The following ARHGAP6 variants were observed in gnomAD, a reference collection of about 807,000 sequenced individuals.
ARHGAP6 encodes rho GTPase-activating protein 6.
A neutral mutation model predicts 55.7 loss-of-function variants in ARHGAP6; 16 were observed. The ratio of observed to expected loss-of-function variants is 0.29; its 90% CI spans 0.19 to 0.44. The LOEUF is 0.44. Among genes scored for constraint, ARHGAP6 ranks in the 20% least tolerant of loss-of-function variants. ARHGAP6 has a pLI of 1.00. For missense variants in ARHGAP6, 698 were observed against 808.9 expected (o/e 0.86, Z 1.66); for synonymous variants, 382 against 360.9 (o/e 1.06, Z -0.66).
At chrX:11,198,316 G>T (rs752870059) in intron 2 of ARHGAP6, among the ~76,000 whole-genome samples, 264 of 112,013 alleles carry the variant, frequency 2.4e-3, no homozygotes, top group Non-Finnish European at 4.2e-3. Flanking sequence ...ATGTAAATCA[G>T]TTTTAATGTA....
intron 1 of ARHGAP6, among the ~76,000 whole-genome samples, chrX:11,565,260 A>G (rs1430385386): frequency 1.8e-5 from 2 of 111,811 alleles, no homozygotes; most frequent in Non-Finnish European, 3.8e-5. Flanking sequence ...CCAGATCAGA[A>G]ATGTTTTTCT....
intron 1 of ARHGAP6, among the ~76,000 whole-genome samples, chrX:11,609,693 G>C (rs2052079388): frequency 8.9e-6 from 1 of 111,981 alleles, no homozygotes; most frequent in Non-Finnish European, 1.9e-5. Context: ...AAAGTGGAAA[G>C]GGCATCAACA....
chrX:11,385,131 T>G (rs1342318381), intron 1 of ARHGAP6, among the ~76,000 whole-genome samples: 1 of 111,848 alleles, frequency 8.9e-6, no homozygotes, highest in Non-Finnish European at 1.9e-5. Flanking sequence ...GGAATCAGAA[T>G]GGCAAACCCT....
intron 1 of ARHGAP6, among the ~76,000 whole-genome samples, chrX:11,261,625 A>T (rs1049475908): frequency 2.7e-5 from 3 of 112,094 alleles, no homozygotes; most frequent in African/African-American, 9.7e-5. Flanking sequence ...ATTGAAATTC[A>T]TCCAATGTCT....
intron 1 of ARHGAP6, among the ~76,000 whole-genome samples, chrX:11,621,248 A>G (rs1456656151): frequency 8.9e-6 from 1 of 112,248 alleles, no homozygotes; most frequent in Non-Finnish European, 1.9e-5. Flanking sequence ...ATCCCAAAAC[A>G]TGTGAAGAAA....
chrX:11,283,112 CAGA>C (rs773584781), intron 1 of ARHGAP6, among the ~76,000 whole-genome samples: 347 of 112,103 alleles, frequency 3.1e-3, no homozygotes, highest in African/African-American at 0.01. Flanking sequence ...TAAGGCTTGA[CAGA>C]GATTCAGCAT....
intron 1 of ARHGAP6, among the ~76,000 whole-genome samples, chrX:11,641,047 A>G (rs1250185414): frequency 1.0e-5 from 1 of 99,655 alleles, no homozygotes; most frequent in Admixed American, 1.1e-4. Flanking sequence ...GAGATTGAGT[A>G]ACCCATTTTT....
intron 2 of ARHGAP6, among the ~76,000 whole-genome samples, chrX:11,214,949 A>G (rs2046858465): frequency 8.8e-6 from 1 of 113,421 alleles, no homozygotes; most frequent in African/African-American, 3.2e-5. Context: ...GGGCTGCCCC[A>G]GGCTGACCTG....
chrX:11,311,791 G>C (rs2048304389), intron 1 of ARHGAP6, among the ~76,000 whole-genome samples: 1 of 111,328 alleles, frequency 9.0e-6, no homozygotes, highest in Admixed American at 9.6e-5. Flanking sequence ...CGAGTGTTGT[G>C]GGTAATAGAT....
At chrX:11,634,544 T>C (rs763195163) in intron 1 of ARHGAP6, among the ~76,000 whole-genome samples, 1 of 111,808 alleles carries the variant, frequency 8.9e-6, no homozygotes, top group South Asian at 3.7e-4. Context: ...TTCACTTTAG[T>C]GGTAGTCATA....
intron 1 of ARHGAP6, among the ~76,000 whole-genome samples, chrX:11,606,441 A>G (rs2052037013): frequency 8.9e-6 from 1 of 111,870 alleles, no homozygotes; most frequent in African/African-American, 3.3e-5. Flanking sequence ...TAGTGTGTAC[A>G]TGCTTCATGA....
chrX:11,232,168 C>T (rs749811185), intron 2 of ARHGAP6, among the ~76,000 whole-genome samples: 2 of 111,559 alleles, frequency 1.8e-5, no homozygotes, highest in South Asian at 7.5e-4. Context: ...TGCTATTGAA[C>T]CCTAGAACTT....
intron 1 of ARHGAP6, among the ~76,000 whole-genome samples, chrX:11,580,887 A>T (rs1365807344): frequency 8.9e-6 from 1 of 112,110 alleles, no homozygotes; most frequent in Non-Finnish European, 1.9e-5. Flanking sequence ...GCATTTTAAA[A>T]AGTGTCTTTC....
At chrX:11,162,953 G>A (rs746390732) in intron 9 of ARHGAP6, among the ~76,000 whole-genome samples, 4 of 112,062 alleles carry the variant, frequency 3.6e-5, no homozygotes, top group Non-Finnish European at 7.5e-5. Context: ...GAAGGGTAGT[G>A]AAAGACATAT....
chrX:11,625,349 A>C (rs1364611085), intron 1 of ARHGAP6, among the ~76,000 whole-genome samples: 1 of 110,697 alleles, frequency 9.0e-6, no homozygotes, highest in African/African-American at 3.3e-5. Flanking sequence ...GTTTAATAGA[A>C]TATTATTCAG....
intron 1 of ARHGAP6, among the ~76,000 whole-genome samples, chrX:11,654,294 T>C (rs943745805): frequency 6.3e-5 from 7 of 111,922 alleles, no homozygotes; most frequent in African/African-American, 2.3e-4. Flanking sequence ...CCAATGCTTA[T>C]TGACACTTCA....
At chrX:11,370,665 T>A (rs1459201177) in intron 1 of ARHGAP6, among the ~76,000 whole-genome samples, 1 of 112,138 alleles carries the variant, frequency 8.9e-6, no homozygotes, top group Admixed American at 9.4e-5. Context: ...CACTATAGAC[T>A]ATAATTTTCC....
intron 1 of ARHGAP6, among the ~76,000 whole-genome samples, chrX:11,602,418 G>A (rs186535277): frequency 1.8e-5 from 2 of 112,310 alleles, no homozygotes; most frequent in Admixed American, 1.9e-4. Context: ...AATCAAGGGA[G>A]GCTACATAAC....
chrX:11,181,950 TAAA>T (rs754110970), intron 6 of ARHGAP6, 110 bp downstream of exon 6: 4,477 of 477,001 alleles, frequency 9.4e-3, no homozygotes, highest in East Asian at 0.014. Context: ...GCTTGGAGGG[TAAA>T]AAAAAAAAAA....
Sources: gnomAD v4.1 joint callset for allele counts (sites outside exome capture counted in the v4.1 genomes callset) on GRCh38, gnomAD v4.1.1 for gene constraint, MANE v1.5 for transcripts, NCBI Gene and HGNC (gene_info 2026-07-23, HGNC 2026-07-21) for gene names.